Variants in TESK2 observed in about 807,000 individuals in gnomAD.
TESK2 encodes the protein dual specificity testis-specific protein kinase 2.
TESK2 carries 39 observed loss-of-function variants against 57.1 expected under a neutral mutation model. That is an observed-to-expected ratio of 0.68 (90% CI 0.53 to 0.89). The LOEUF (loss-of-function observed/expected upper bound fraction) is 0.89, where lower values mean the gene tolerates loss of function less well. Ranked by LOEUF, TESK2 falls within the 40% of genes least tolerant of loss-of-function variation. The pLI, the probability that TESK2 is intolerant of heterozygous loss-of-function variation, is 0.00. For missense variants in TESK2, 646 were observed against 732.1 expected (o/e 0.88, Z 1.36); for synonymous variants, 249 against 267.9 (o/e 0.93, Z 0.69).
intron 7 of TESK2, 33 bp downstream of exon 7, chr1:45,347,576 G>C (rs1451668094): frequency 1.3e-6 from 2 of 1,584,630 alleles, no homozygotes. Flanking sequence ...AAAGAAAAAA[G>C]GAGAATCAGG....
intron 1 of TESK2, among the ~76,000 whole-genome samples, chr1:45,464,161 T>C (rs556117869): frequency 6.6e-6 from 1 of 152,222 alleles, no homozygotes; most frequent in Non-Finnish European, 1.5e-5. Context: ...TTTCAATTCA[T>C]GAACATTAAA....
At chr1:45,415,003 G>A (rs1443185425) in intron 3 of TESK2, 6 of 815,240 alleles carry the variant, frequency 7.4e-6, no homozygotes, top group East Asian at 2.8e-5. Flanking sequence ...CCACCGCCAG[G>A]AGCCCCGTAC....
chr1:45,415,524 T>G (rs1315431256), intron 3 of TESK2, among the ~76,000 whole-genome samples: 1 of 152,102 alleles, frequency 6.6e-6, no homozygotes, highest in African/African-American at 2.4e-5. Context: ...GAGTTAAGTT[T>G]ATGATTACGA....
At chr1:45,362,326 C>G (rs952441143) in intron 4 of TESK2, among the ~76,000 whole-genome samples, 3 of 152,168 alleles carry the variant, frequency 2.0e-5, no homozygotes, top group Non-Finnish European at 1.5e-5. Flanking sequence ...CAGGCACAGA[C>G]AAGCACATAA....
chr1:45,425,200 T>C (rs1331714209), intron 2 of TESK2, among the ~76,000 whole-genome samples: 1 of 152,090 alleles, frequency 6.6e-6, no homozygotes, highest in African/African-American at 2.4e-5. Context: ...ACTGATAAAT[T>C]CAGAAAAGTT....
intron 4 of TESK2, among the ~76,000 whole-genome samples, chr1:45,356,833 T>C (rs1218723067): frequency 1.3e-5 from 2 of 152,030 alleles, no homozygotes; most frequent in Non-Finnish European, 2.9e-5. Context: ...GGGTTTAACA[T>C]GTAAGATGGG....
chr1:45,486,782 T>TATAC (rs1653493093), intron 1 of TESK2, among the ~76,000 whole-genome samples: 1 of 115,868 alleles, frequency 8.6e-6, no homozygotes, highest in Admixed American at 9.4e-5. Context: ...CCTCCCAGCA[T>TATAC]ACACACACAC....
At chr1:45,405,631 A>AATATAT (rs1553150315) in intron 3 of TESK2, among the ~76,000 whole-genome samples, 4 of 148,966 alleles carry the variant, frequency 2.7e-5, no homozygotes, top group Non-Finnish European at 5.9e-5. Context: ...ATCTCTAAAA[A>AATATAT]ATATATCTAT....
At chr1:45,363,504 TAA>T (rs1233028299) in intron 4 of TESK2, among the ~76,000 whole-genome samples, 1 of 152,200 alleles carries the variant, frequency 6.6e-6, no homozygotes, top group East Asian at 1.9e-4. Context: ...CTCCTGCTTA[TAA>T]AAGTCTGACT....
At chr1:45,434,182 C>T (rs531921430) in intron 2 of TESK2, among the ~76,000 whole-genome samples, 218 of 152,112 alleles carry the variant, frequency 1.4e-3, no homozygotes, top group Non-Finnish European at 2.2e-3. Flanking sequence ...TTGGTAGAGA[C>T]GAGGTTTCAC....
chr1:45,400,923 G>A (rs1649569267), intron 3 of TESK2, among the ~76,000 whole-genome samples: 1 of 151,546 alleles, frequency 6.6e-6, no homozygotes, highest in Admixed American at 6.6e-5. Context: ...TCAGGAGGCT[G>A]AGGCACAAGA....
chr1:45,355,218 A>T, intron 5 of TESK2, 85 bp downstream of exon 5: 1 of 1,455,176 alleles, frequency 6.9e-7, no homozygotes, highest in Non-Finnish European at 9.4e-7. Context: ...GTCCTCTGTG[A>T]TTAAATGTTA....
intron 4 of TESK2, among the ~76,000 whole-genome samples, chr1:45,377,185 ATTCCATCTTAGG>A (rs1648463181): frequency 6.6e-6 from 1 of 152,102 alleles, no homozygotes; most frequent in South Asian, 2.1e-4. Context: ...GTGCCACTGT[ATTCCATCTTAGG>A]TGACAGAGCA....
Position 45,345,368 on chromosome 1 carries a change from G to A in TESK2, c.1188C>T (p.Thr396=), listed in dbSNP as rs1030740790. Residue 396 remains threonine, a synonymous_variant, in exon 11 of 11, where the codon ACC becomes ACT. Transcript: ENST00000372086. The stretch of plus-strand genomic sequence containing the variant: ...GAGCACTAAAAGGGTTGACTTTGGG[G>A]GTGCGGGCAGCACCATCTCGTGGCC... ...YYRPRDGAAR[T]PKVNPFSARQ... The A allele has an allele frequency of 1.2e-6, 2 of 1,614,010 alleles. No individual in the cohort carries two copies. Among genetic ancestry groups the A allele is most frequent in the Non-Finnish European group, 8.5e-7 (1 of 1,180,042 alleles).
At chr1:45,383,664 A>G (rs1157904965) in intron 4 of TESK2, among the ~76,000 whole-genome samples, 1 of 152,214 alleles carries the variant, frequency 6.6e-6, no homozygotes, top group African/African-American at 2.4e-5. Flanking sequence ...CAAAATTAAC[A>G]CACCAGCCCT....
intron 10 of TESK2, 134 bp downstream of exon 10, chr1:45,345,743 T>C (rs183308466): frequency 2.2e-6 from 2 of 902,292 alleles, no homozygotes; most frequent in African/African-American, 3.3e-5. Context: ...GCCAGTACTT[T>C]CTGCATCATC....
intron 4 of TESK2, among the ~76,000 whole-genome samples, chr1:45,383,595 C>A (rs1278312781): frequency 6.6e-6 from 1 of 152,198 alleles, no homozygotes; most frequent in Non-Finnish European, 1.5e-5. Flanking sequence ...ATTTCCACCA[C>A]AACCTGCTTT....
intron 3 of TESK2, among the ~76,000 whole-genome samples, chr1:45,409,750 A>G (rs1649970892): frequency 6.6e-6 from 1 of 152,190 alleles, no homozygotes; most frequent in African/African-American, 2.4e-5. Context: ...AAGAATGGTA[A>G]GTTTTTGGCT....
chr1:45,370,524 T>A (rs937950293), intron 4 of TESK2, among the ~76,000 whole-genome samples: 1 of 152,158 alleles, frequency 6.6e-6, no homozygotes, highest in Admixed American at 6.5e-5. Flanking sequence ...TCAGTTGAAA[T>A]CAATGATAAA....
Sources: gnomAD v4.1 joint callset for allele counts (sites outside exome capture counted in the v4.1 genomes callset) on GRCh38, gnomAD v4.1.1 for gene constraint, MANE v1.5 for transcripts, NCBI Gene and HGNC (gene_info 2026-07-23, HGNC 2026-07-21) for gene names.